Variants in AGBL1 observed in about 807,000 individuals in gnomAD.
AGBL1 encodes the protein AGBL carboxypeptidase 1.
In AGBL1, 130 loss-of-function variants were observed where a neutral mutation model predicts 118.9. That is an observed-to-expected ratio of 1.09 (90% CI 0.95 to 1.26). The LOEUF (loss-of-function observed/expected upper bound fraction) is 1.26. Ranked by LOEUF, AGBL1 falls within the 50% of genes most tolerant of loss-of-function variation. AGBL1 has a pLI of 0.00. For missense variants in AGBL1, 1,584 were observed against 1,298.1 expected (o/e 1.22, Z -3.38); for synonymous variants, 555 against 478.9 (o/e 1.16, Z -2.08).
intron 21 of AGBL1, among the ~76,000 whole-genome samples, chr15:86,607,880 G>A (rs1387068220): frequency 6.6e-6 from 1 of 152,144 alleles, no homozygotes; most frequent in Non-Finnish European, 1.5e-5. Flanking sequence ...CTGGGGTAAG[G>A]AAAGTCTAGG....
intron 21 of AGBL1, among the ~76,000 whole-genome samples, chr15:86,564,905 T>C (rs1449728984): frequency 6.6e-6 from 1 of 152,234 alleles, no homozygotes; most frequent in Non-Finnish European, 1.5e-5. Context: ...TGATACCTTT[T>C]CTTCCAGTTG....
At chr15:86,504,781 TG>T (rs1156264921) in intron 18 of AGBL1, among the ~76,000 whole-genome samples, 1 of 151,740 alleles carries the variant, frequency 6.6e-6, no homozygotes, top group East Asian at 1.9e-4. Flanking sequence ...GTTATGCCAT[TG>T]TTTTTTAAAT....
intron 23 of AGBL1, among the ~76,000 whole-genome samples, chr15:86,963,711 T>G (rs1444211337): frequency 6.6e-6 from 1 of 151,972 alleles, no homozygotes; most frequent in Non-Finnish European, 1.5e-5. Context: ...ACTCCCTCTC[T>G]TCCAAAGTCT....
At chr15:86,575,757 T>C (rs1024412387) in intron 21 of AGBL1, among the ~76,000 whole-genome samples, 1 of 151,880 alleles carries the variant, frequency 6.6e-6, no homozygotes, top group East Asian at 2.0e-4. Context: ...ATCTGGCTTA[T>C]TTATTGAAAA....
chr15:86,636,736 TATATATATATATATATATATATACAC>T (rs1386306929), intron 21 of AGBL1, among the ~76,000 whole-genome samples: 4 of 54,480 alleles, frequency 7.3e-5, no homozygotes, highest in African/African-American at 3.8e-4. Flanking sequence ...TATATATATA[TATATATATATATATATATATATACAC>T]ATACATACAG....
At chr15:86,166,834 A>G (rs2077348758) in intron 5 of AGBL1, among the ~76,000 whole-genome samples, 2 of 152,190 alleles carry the variant, frequency 1.3e-5, no homozygotes, top group Non-Finnish European at 2.9e-5. Flanking sequence ...ACAAAACAAG[A>G]CAAACCTCCC....
At chr15:86,326,221 C>A (rs1567200133) in intron 17 of AGBL1, among the ~76,000 whole-genome samples, 1 of 151,940 alleles carries the variant, frequency 6.6e-6, no homozygotes, top group East Asian at 1.9e-4. Context: ...AGTTCAGTCT[C>A]ATAGACATAA....
intron 21 of AGBL1, among the ~76,000 whole-genome samples, chr15:86,671,196 AT>A (rs1432514669): frequency 2.6e-5 from 4 of 152,024 alleles, no homozygotes; most frequent in African/African-American, 9.7e-5. Flanking sequence ...GTTGTGCCAC[AT>A]TTTCTCTTTC....
intron 22 of AGBL1, among the ~76,000 whole-genome samples, chr15:86,687,173 G>A (rs2086073629): frequency 6.6e-6 from 1 of 152,130 alleles, no homozygotes; most frequent in Non-Finnish European, 1.5e-5. Flanking sequence ...CAAGAACTCT[G>A]TGGCCAGTTT....
chr15:86,346,185 G>A (rs978996650), intron 17 of AGBL1, among the ~76,000 whole-genome samples: 12 of 152,018 alleles, frequency 7.9e-5, no homozygotes, highest in Middle Eastern at 3.4e-3. Flanking sequence ...GTTTCACCAC[G>A]TTGGCCAGGC....
chr15:86,310,698 A>G (rs2079907286), intron 17 of AGBL1, among the ~76,000 whole-genome samples: 1 of 152,080 alleles, frequency 6.6e-6, no homozygotes, highest in Non-Finnish European at 1.5e-5. Flanking sequence ...TGAGGCATGG[A>G]GCCGTGGGGG....
intron 22 of AGBL1, among the ~76,000 whole-genome samples, chr15:86,693,771 T>C (rs1425869666): frequency 6.6e-6 from 1 of 152,154 alleles, no homozygotes; most frequent in Admixed American, 6.6e-5. Context: ...TTGATTTTTG[T>C]ATAAGGTGAG....
At chr15:86,964,031 C>CTCTCTCTCTGTG (rs1183866210) in intron 23 of AGBL1, among the ~76,000 whole-genome samples, 7 of 146,306 alleles carry the variant, frequency 4.8e-5, no homozygotes, top group African/African-American at 1.0e-4. Flanking sequence ...CTCTCTCTCT[C>CTCTCTCTCTGTG]TGTGTGTGTG....
rs36077192 is a variant in AGBL1, at chr15:86,980,885, C to CTTTTT, written c.3222-7087_3222-7083dup. Among the ~76,000 whole-genome samples the CTTTTT allele has an allele frequency of 1.0e-4, 12 of 118,998 alleles. 1 individual carries two copies. Among genetic ancestry groups the CTTTTT allele is most frequent in the African/African-American group, 1.7e-4 (5 of 29,990 alleles). 78.1% of individuals were successfully genotyped at this position (118,998 alleles called of 152,430 possible). ...ATATAAATAGTGCTTCAGAAACATCCTTTTTTTTTTTTTTTTTTTGAGACA... is the reference window on the plus strand; with the variant it reads ...ATATAAATAGTGCTTCAGAAACATCCTTTTTTTTTTTTTTTTTTTTTTTTGAGACA... On this transcript the variant is annotated intron_variant, in intron 23 of 24. Transcript: ENST00000441037.
At chr15:86,116,285 A>T (rs68168883) in intron 1 of AGBL1, among the ~76,000 whole-genome samples, 27,467 of 152,208 alleles carry the variant, frequency 0.18, 2,575 homozygotes, top group East Asian at 0.25. Flanking sequence ...CACAGCCAGT[A>T]AAGTATTAGA....
intron 23 of AGBL1, among the ~76,000 whole-genome samples, chr15:86,968,185 G>A (rs538714093): frequency 1.5e-4 from 23 of 151,978 alleles, no homozygotes; most frequent in African/African-American, 5.5e-4. Flanking sequence ...TAGTGACAAT[G>A]ACATTGGATT....
intron 22 of AGBL1, among the ~76,000 whole-genome samples, chr15:86,822,994 C>G (rs1000802176): frequency 6.6e-6 from 1 of 152,140 alleles, no homozygotes; most frequent in Non-Finnish European, 1.5e-5. Flanking sequence ...CAACATGGCA[C>G]ATGAGCAGCC....
chr15:86,896,832 A>G (rs1388977959), intron 22 of AGBL1, among the ~76,000 whole-genome samples: 3 of 152,152 alleles, frequency 2.0e-5, no homozygotes, highest in African/African-American at 4.8e-5. Context: ...TTATTATAAC[A>G]TAGTTCTGTG....
intron 22 of AGBL1, among the ~76,000 whole-genome samples, chr15:86,884,089 T>G (rs1031263512): frequency 2.6e-5 from 4 of 152,208 alleles, no homozygotes; most frequent in Non-Finnish European, 4.4e-5. Context: ...CTCATTAAGT[T>G]GAGAACTTTC....
Sources: gnomAD v4.1 joint callset for allele counts (sites outside exome capture counted in the v4.1 genomes callset) on GRCh38, gnomAD v4.1.1 for gene constraint, MANE v1.5 for transcripts, NCBI Gene and HGNC (gene_info 2026-07-23, HGNC 2026-07-21) for gene names.